The following SPAG16 variants were observed in gnomAD, a reference collection of about 807,000 sequenced individuals.
The protein encoded by SPAG16 is sperm-associated antigen 16 protein.
In SPAG16, 86 loss-of-function variants were observed where a neutral mutation model predicts 80.4. The observed-to-expected ratio is 1.07, with a 90% confidence interval of 0.90 to 1.28. The LOEUF is 1.28. SPAG16 is among the 50% of genes most tolerant of loss of function. The pLI is 0.00. For missense variants in SPAG16, 870 were observed against 765.3 expected (o/e 1.14, Z -1.61); for synonymous variants, 294 against 265.9 (o/e 1.11, Z -1.03).
At chr2:213,471,691 G>T (rs994383022) in intron 9 of SPAG16, among the ~76,000 whole-genome samples, 1 of 152,180 alleles carries the variant, frequency 6.6e-6, no homozygotes, top group Admixed American at 6.5e-5. Context: ...AGAGCAGCTT[G>T]CACAGCATCC....
intron 13 of SPAG16, among the ~76,000 whole-genome samples, chr2:214,085,248 T>C (rs1576120814): frequency 6.6e-6 from 1 of 152,116 alleles, no homozygotes; most frequent in East Asian, 1.9e-4. Flanking sequence ...GGTGCCTTCC[T>C]GTAGTCCCAG....
chr2:213,934,442 T>C (rs557646089), intron 12 of SPAG16, among the ~76,000 whole-genome samples: 2 of 152,320 alleles, frequency 1.3e-5, no homozygotes, highest in African/African-American at 2.4e-5. Context: ...CTGTGAGACA[T>C]GCAGTAACTG....
chr2:213,342,798 A>G (rs1451636881), intron 6 of SPAG16, among the ~76,000 whole-genome samples: 2 of 151,500 alleles, frequency 1.3e-5, no homozygotes, highest in African/African-American at 2.4e-5. Context: ...TTTTTTTAAG[A>G]TGGTGGAAAA....
At chr2:214,193,389 T>C (rs1042558172) in intron 15 of SPAG16, among the ~76,000 whole-genome samples, 2 of 93,098 alleles carry the variant, frequency 2.1e-5, no homozygotes, top group African/African-American at 3.0e-5. Context: ...TTCAAAGAGA[T>C]CTTTTATGTG....
intron 10 of SPAG16, among the ~76,000 whole-genome samples, chr2:213,493,960 T>C (rs1219984583): frequency 2.0e-5 from 3 of 152,180 alleles, no homozygotes; most frequent in African/African-American, 4.8e-5. Context: ...TTTCCTCTCC[T>C]GAAACTGCTC....
At chr2:214,315,779 A>C (rs767617734) in intron 15 of SPAG16, among the ~76,000 whole-genome samples, 12 of 151,924 alleles carry the variant, frequency 7.9e-5, no homozygotes, top group Non-Finnish European at 1.3e-4. Context: ...CAATCCTTTC[A>C]CTTTGGCCTC....
At chr2:214,181,779 T>TAA (rs2057314238) in intron 15 of SPAG16, among the ~76,000 whole-genome samples, 1 of 151,820 alleles carries the variant, frequency 6.6e-6, no homozygotes. Context: ...TAGATGTGTT[T>TAA]AATTTTTACA....
intron 10 of SPAG16, among the ~76,000 whole-genome samples, chr2:213,502,403 A>T (rs757198543): frequency 6.6e-6 from 1 of 152,180 alleles, no homozygotes; most frequent in Non-Finnish European, 1.5e-5. Flanking sequence ...GATTACAGGC[A>T]TGAGCCACTG....
intron 15 of SPAG16, among the ~76,000 whole-genome samples, chr2:214,178,856 T>A (rs1413966464): frequency 6.6e-6 from 1 of 151,352 alleles, no homozygotes; most frequent in Admixed American, 6.6e-5. Flanking sequence ...AAGTGTTTAT[T>A]ATATATAGTA....
intron 13 of SPAG16, among the ~76,000 whole-genome samples, chr2:214,102,109 G>GT (rs763808594): frequency 0.06 from 5,809 of 96,410 alleles, 283 homozygotes; most frequent in South Asian, 0.19. Flanking sequence ...GGTGAGGGTG[G>GT]TTTTTTGTTT....
intron 10 of SPAG16, among the ~76,000 whole-genome samples, chr2:213,620,570 G>A (rs529771410): frequency 2.0e-5 from 3 of 152,148 alleles, no homozygotes; most frequent in Admixed American, 6.6e-5. Flanking sequence ...GGGATTACAG[G>A]CATGAGCCAC....
At chr2:214,039,644 G>C (rs1359834360) in intron 13 of SPAG16, among the ~76,000 whole-genome samples, 5 of 152,122 alleles carry the variant, frequency 3.3e-5, no homozygotes, top group African/African-American at 7.2e-5. Context: ...ACTTAAAACT[G>C]TTTTTCCATA....
chr2:213,489,879 G>A, intron 9 of SPAG16, 84 bp from the exon 10 acceptor site: 1 of 1,071,494 alleles, frequency 9.3e-7, no homozygotes, highest in African/African-American at 1.6e-5. Context: ...TGTTTATGTT[G>A]TAATTTAATA....
intron 9 of SPAG16, among the ~76,000 whole-genome samples, chr2:213,423,053 A>T (rs1320360459): frequency 6.6e-6 from 1 of 152,226 alleles, no homozygotes; most frequent in Non-Finnish European, 1.5e-5. Flanking sequence ...TTTTCTCACA[A>T]GTCAGACAGA....
rs1319455545 is a variant in SPAG16 at position 213,859,203 on chromosome 2, AAAAAAAAAAAAAAC to A, written c.1071-3281_1071-3268del. Among the ~76,000 whole-genome samples the A allele has an allele frequency of 2.3e-4, 31 of 134,626 alleles. 1 individual carries two copies. Among genetic ancestry groups the A allele is most frequent in the Middle Eastern group, 3.9e-3 (1 of 258 alleles). The allele number at this position is 134,626 out of a possible 152,430, so 88.3% of individuals were successfully genotyped here. A position where few individuals can be genotyped will look rare whatever the true frequency, so the allele number is the denominator to read the frequency against. ...CAAAAAAAAAAAAAAAAAAAAAAAA[AAAAAAAAAAAAAAC>A]TCAATGTCCTCTGACAACTTGATGT... On this transcript the variant is annotated intron_variant, in intron 10 of 15. Transcript: ENST00000331683.
intron 9 of SPAG16, among the ~76,000 whole-genome samples, chr2:213,421,315 G>A (rs2069570967): frequency 3.3e-5 from 5 of 152,204 alleles, no homozygotes; most frequent in Admixed American, 2.0e-4. Flanking sequence ...GGGTGGTGCC[G>A]ACTCACCAGT....
chr2:214,104,658 A>C (rs1364471092), intron 13 of SPAG16, among the ~76,000 whole-genome samples: 1 of 152,132 alleles, frequency 6.6e-6, no homozygotes, highest in African/African-American at 2.4e-5. Flanking sequence ...TGCCATTTAT[A>C]TGTATAAAGA....
At chr2:214,103,564 T>A (rs1196266556) in intron 13 of SPAG16, among the ~76,000 whole-genome samples, 1 of 152,126 alleles carries the variant, frequency 6.6e-6, no homozygotes, top group Non-Finnish European at 1.5e-5. Context: ...GATAAGGACA[T>A]GTGTATATCT....
At chr2:214,308,106 T>C (rs1029386857) in intron 15 of SPAG16, among the ~76,000 whole-genome samples, 3 of 152,216 alleles carry the variant, frequency 2.0e-5, no homozygotes, top group Admixed American at 1.3e-4. Context: ...GATAGTTAGC[T>C]CTTCTTGTTG....
Sources: allele counts gnomAD v4.1 joint callset (sites outside exome capture counted in the v4.1 genomes callset), GRCh38; gene constraint gnomAD v4.1.1; transcripts MANE v1.5; gene names NCBI Gene and HGNC (gene_info 2026-07-23, HGNC 2026-07-21).